The following TLL1 variants were observed in gnomAD, a reference collection of about 807,000 sequenced individuals.
TLL1 encodes the protein tolloid-like protein 1.
Under a neutral mutation model 128.2 loss-of-function variants are expected in TLL1, and 49 were observed. The ratio of observed to expected loss-of-function variants is 0.38; its 90% confidence interval spans 0.30 to 0.48. TLL1 has a LOEUF of 0.48. TLL1 is among the 20% of genes least tolerant of loss of function. The probability of loss-of-function intolerance (pLI) is 0.96; values close to 1 mark genes in which losing one functional copy is unlikely to be tolerated. For synonymous variants in TLL1, 454 were observed against 418.8 expected (o/e 1.08, Z -1.03); for missense variants, 1,123 against 1,242.0 (o/e 0.90, Z 1.44).
chr4:165,886,791 C>A (rs1411450394), intron 1 of TLL1, among the ~76,000 whole-genome samples: 1 of 151,674 alleles, frequency 6.6e-6, no homozygotes, highest in East Asian at 1.9e-4. Flanking sequence ...GAATATTTTC[C>A]ATCTGTAGTT....
intron 1 of TLL1, among the ~76,000 whole-genome samples, chr4:165,943,424 C>T (rs1467903969): frequency 6.6e-6 from 1 of 151,828 alleles, no homozygotes; most frequent in African/African-American, 2.4e-5. Flanking sequence ...AAGTTTTTTC[C>T]TCCTTAGTAA....
chr4:166,100,980 T>G lies in TLL1; in HGVS notation c.*104T>G. On this transcript the variant is annotated 3_prime_UTR_variant, in exon 21 of 21. Coordinates refer to ENST00000061240, the MANE Select transcript of TLL1 (RefSeq NM_012464.5). ...GCACAAATGTTTTATACAAAGAGTT[T>G]GAACAAAAAATCCCTGTAAGACCAG... 6.9e-7 allele frequency: 1 copy of G among 1,454,686 alleles called. No homozygotes were observed. The highest frequency in any genetic ancestry group is 9.3e-7 in the Non-Finnish European group (1 of 1,070,334). The allele number at this position is 1,454,686 out of a possible 1,614,324, so 90.1% of individuals were successfully genotyped here.
chr4:166,093,169 T>C (rs535822234), intron 19 of TLL1, among the ~76,000 whole-genome samples: 7 of 152,204 alleles, frequency 4.6e-5, no homozygotes, highest in Admixed American at 3.9e-4. Context: ...GAAATAATAG[T>C]GGGCCCAGGA....
At chr4:165,875,331 C>A (rs1160344878) in intron 1 of TLL1, among the ~76,000 whole-genome samples, 1 of 151,930 alleles carries the variant, frequency 6.6e-6, no homozygotes, top group East Asian at 1.9e-4. Context: ...CTGGAAATTC[C>A]CTAGTTAATT....
At chr4:165,940,400 A>T (rs1447154736) in intron 1 of TLL1, among the ~76,000 whole-genome samples, 1 of 152,004 alleles carries the variant, frequency 6.6e-6, no homozygotes, top group Admixed American at 6.6e-5. Context: ...TTCGTATACT[A>T]AAGAAATCTA....
chr4:166,060,304 T>C, intron 15 of TLL1, 116 bp downstream of exon 15: 3 of 1,119,300 alleles, frequency 2.7e-6, no homozygotes, highest in South Asian at 2.8e-5. Flanking sequence ...GTATTCTTTC[T>C]TTGTCTTACT....
At chr4:165,879,020 C>T (rs976175854) in intron 1 of TLL1, among the ~76,000 whole-genome samples, 2 of 146,138 alleles carry the variant, frequency 1.4e-5, no homozygotes, top group African/African-American at 2.5e-5. Context: ...GCCTCGACCT[C>T]CTAGGCTCAA....
chr4:166,099,312 A>G lies in TLL1; in HGVS notation c.2692A>G (p.Arg898Gly), dbSNP rs753746634. 1.2e-6 allele frequency: 2 copies of G among 1,613,576 alleles called. No individual in the cohort carries two copies. The highest frequency in any genetic ancestry group is 1.1e-5 in the South Asian group (1 of 91,082). The change falls in exon 20 of 21, where the codon AGA (arginine) becomes GGA (glycine). Residue 898 changes from arginine (R) to glycine (G), a missense_variant. Arg to Gly is a moderately radical substitution (Grantham distance 125). Coordinates refer to ENST00000061240, the MANE Select transcript of TLL1 (RefSeq NM_012464.5). ...ACGATTGAAAGCAGAATCAAAACCAAGAGATCTGTACTCACATGCTCAGTT... is the reference window on the plus strand; with the variant it reads ...ACGATTGAAAGCAGAATCAAAACCAGGAGATCTGTACTCACATGCTCAGTT... The part of the protein sequence containing the change: ...GGRLKAESKP[R>G]DLYSHAQFGD...
intron 19 of TLL1, among the ~76,000 whole-genome samples, chr4:166,097,244 G>A (rs1369083782): frequency 6.6e-6 from 1 of 152,114 alleles, no homozygotes; most frequent in Non-Finnish European, 1.5e-5. Flanking sequence ...GAGTTACTGA[G>A]ATAAGAAAAC....
At chr4:166,025,190 C>A in intron 8 of TLL1, 126 bp from the exon 9 acceptor site, 2 of 674,172 alleles carry the variant, frequency 3.0e-6, no homozygotes, top group Non-Finnish European at 5.3e-6. Context: ...AGAAAGGAAA[C>A]GTCTTCTATA....
rs1263321719 is a variant in TLL1 at position 166,099,416 on chromosome 4, C to T, written c.2796C>T (p.Ser932=). 6.2e-7 allele frequency: 1 copy of T among 1,613,392 alleles called. No homozygotes were observed. Among genetic ancestry groups the T allele is most frequent in the Non-Finnish European group, 8.5e-7 (1 of 1,179,660 alleles). Residue 932 remains serine, a synonymous_variant, in exon 20 of 21, where the codon TCC becomes TCT. Coordinates refer to ENST00000061240, the MANE Select transcript of TLL1 (RefSeq NM_012464.5). ...AACGGGGCTCTCGACTTGAATTATC[C>T]TTCCAGACATTTGAAGTGGAGGAAG... ...VSERGSRLEL[S]FQTFEVEEEA... is the part of the protein sequence containing the mutation.
intron 1 of TLL1, among the ~76,000 whole-genome samples, chr4:165,961,327 A>T (rs1735088221): frequency 6.6e-6 from 1 of 152,030 alleles, no homozygotes; most frequent in Admixed American, 6.6e-5. Context: ...GACATGTCAC[A>T]AACGAATGGA....
intron 7 of TLL1, among the ~76,000 whole-genome samples, chr4:166,009,437 T>C (rs1737581207): frequency 6.6e-6 from 1 of 151,466 alleles, no homozygotes; most frequent in South Asian, 2.1e-4. Context: ...TCTAACTGTA[T>C]GTTTCCCCTT....
intron 1 of TLL1, among the ~76,000 whole-genome samples, chr4:165,970,631 C>A (rs187819933): frequency 5.9e-5 from 9 of 152,078 alleles, no homozygotes; most frequent in African/African-American, 2.2e-4. Context: ...CTTTTTTAAC[C>A]TATTCAAATT....
intron 1 of TLL1, among the ~76,000 whole-genome samples, chr4:165,936,887 G>T (rs1370749801): frequency 6.6e-6 from 1 of 152,024 alleles, no homozygotes; most frequent in Non-Finnish European, 1.5e-5. Flanking sequence ...GAGCCGAGAT[G>T]GCCCCACTGC....
chr4:165,962,294 A>ATG (rs1735144415), intron 1 of TLL1, among the ~76,000 whole-genome samples: 1 of 152,194 alleles, frequency 6.6e-6, no homozygotes, highest in Non-Finnish European at 1.5e-5. Context: ...AAGAAGCCAT[A>ATG]CAAGTGGTGA....
intron 12 of TLL1, among the ~76,000 whole-genome samples, chr4:166,053,882 AG>A (rs1165878023): frequency 6.6e-6 from 1 of 152,188 alleles, no homozygotes; most frequent in Admixed American, 6.6e-5. Context: ...GACTCTTTGA[AG>A]ACTTTAGTTC....
chr4:165,987,809 A>C (rs1736456473), intron 1 of TLL1, among the ~76,000 whole-genome samples: 1 of 152,112 alleles, frequency 6.6e-6, no homozygotes, highest in Admixed American at 6.6e-5. Flanking sequence ...TTTAGGACTG[A>C]AGTTTAAACT....
rs149061806 is a variant in TLL1 at position 166,074,832 on chromosome 4, G to A, written c.2189-46G>A. 5.1e-4 allele frequency: 821 copies of A among 1,609,074 alleles called. 2 individuals are homozygous for A. Among genetic ancestry groups the A allele is most frequent in the South Asian group, 1.3e-3 (115 of 90,756 alleles). On this transcript the variant is annotated intron_variant, in intron 16 of 20. Transcript: ENST00000061240. ...TAAATGACTCCCTTTGATATCCTCT[G>A]TTTTTAAAGTTACTTACTAGACTAT...
Sources: gnomAD v4.1 joint callset for allele counts (sites outside exome capture counted in the v4.1 genomes callset) on GRCh38, gnomAD v4.1.1 for gene constraint, MANE v1.5 for transcripts, NCBI Gene and HGNC (gene_info 2026-07-23, HGNC 2026-07-21) for gene names.